The following TENM1 variants were observed in gnomAD, a reference collection of about 807,000 sequenced individuals.
The protein encoded by TENM1 is teneurin transmembrane protein 1, also known as teneurin-1.
Under a neutral mutation model 174.8 loss-of-function variants are expected in TENM1, and 35 were observed. The observed-to-expected ratio is 0.20, with a 90% CI of 0.15 to 0.27. The LOEUF (loss-of-function observed/expected upper bound fraction) is 0.27. Ranked by LOEUF, TENM1 falls within the 10% of genes least tolerant of loss-of-function variation. The probability of loss-of-function intolerance (pLI) is 1.00; values close to 1 mark genes in which losing one functional copy is unlikely to be tolerated. For missense variants in TENM1, 1,633 were observed against 2,130.1 expected (o/e 0.77, Z 4.59); for synonymous variants, 781 against 798.7 (o/e 0.98, Z 0.37).
the TENM1 span, among the ~76,000 whole-genome samples, chrX:125,022,465 CTTAAGG>C: frequency 9.0e-6 from 1 of 111,510 alleles, no homozygotes; most frequent in Non-Finnish European, 1.9e-5. Context: ...TATGATCTAG[CTTAAGG>C]TTAACTCCTC....
In TENM1 at chrX:124,481,713, T is replaced by TATATATATATATATA. The variant is rs67614153; in HGVS notation, c.3949+18_3949+19insTATATATATATATAT. ...CCCAAGGGTATATATATATATATAT[T>TATATATATATATATA]TATTTATTTATTTTTTACCTCGAGG... is the stretch of plus-strand genomic sequence containing the variant. On this transcript the variant is annotated intron_variant, in intron 22 of 31. Coordinates refer to ENST00000422452, the Ensembl canonical transcript of TENM1. 189 of 205,070 alleles carry TATATATATATATATA rather than the reference T, an allele frequency of 9.2e-4. No individual in the cohort carries two copies. The highest frequency in any genetic ancestry group is 1.3e-3 in the Non-Finnish European group (160 of 121,064). 16.9% of individuals were successfully genotyped at this position (205,070 alleles called of 1,213,427 possible).
the TENM1 span, among the ~76,000 whole-genome samples, chrX:124,982,381 C>A: frequency 9.1e-6 from 1 of 110,298 alleles, no homozygotes; most frequent in Non-Finnish European, 1.9e-5. Context: ...GCACTTTTTA[C>A]CCTAGGGGGT....
chrX:125,191,671 T>G, the TENM1 span, among the ~76,000 whole-genome samples: 4 of 111,902 alleles, frequency 3.6e-5, no homozygotes, highest in Non-Finnish European at 7.5e-5. Flanking sequence ...TATGTGTTAG[T>G]TTTTATTATT....
At chrX:125,098,126 T>C in the TENM1 span, among the ~76,000 whole-genome samples, 14 of 110,671 alleles carry the variant, frequency 1.3e-4, no homozygotes, top group African/African-American at 4.3e-4. Flanking sequence ...TAGCCGGGCA[T>C]GGTGGTGGGC....
chrX:125,153,047 A>C, the TENM1 span, among the ~76,000 whole-genome samples: 2 of 111,950 alleles, frequency 1.8e-5, no homozygotes, highest in Non-Finnish European at 3.8e-5. Context: ...TGTTTCCCCC[A>C]AGAAAGAGCT....
At chrX:124,723,026 G>T (rs1000251489) in intron 4 of TENM1, among the ~76,000 whole-genome samples, 3 of 110,151 alleles carry the variant, frequency 2.7e-5, no homozygotes, top group Non-Finnish European at 5.7e-5. Flanking sequence ...GTTTCTTCTT[G>T]TCACTCACAG....
chrX:124,716,720 C>T (rs948282288), intron 4 of TENM1, among the ~76,000 whole-genome samples: 1 of 111,590 alleles, frequency 9.0e-6, no homozygotes, highest in Non-Finnish European at 1.9e-5. Context: ...ACATGCACAT[C>T]AAGAGACAAA....
In TENM1 at chrX:124,547,097, A is replaced by G. The variant is rs1460092868; in HGVS notation, c.2435-7T>C. 8.4e-7 allele frequency: 1 copy of G among 1,186,873 alleles called. No homozygotes were observed. The highest frequency in any genetic ancestry group is 1.1e-6 in the Non-Finnish European group (1 of 873,949). On this transcript the variant is annotated splice_region_variant and splice_polypyrimidine_tract_variant and intron_variant, in intron 14 of 31. Transcript: ENST00000422452. Reference sequence around the variant, plus strand: ...ACACAGTCGGTTAAACCATCTGGAAATAAAACCCAAAACCAATATTGATTA... The same window carrying G: ...ACACAGTCGGTTAAACCATCTGGAAGTAAAACCCAAAACCAATATTGATTA...
upstream of TENM1, among the ~76,000 whole-genome samples, chrX:124,968,006 T>C (rs993047687): frequency 8.9e-6 from 1 of 112,010 alleles, no homozygotes; most frequent in African/African-American, 3.2e-5. Flanking sequence ...ATTAAAAATA[T>C]ACAAAGATAG....
intron 6 of TENM1, among the ~76,000 whole-genome samples, chrX:124,660,864 G>A (rs146172473): frequency 0.015 from 1,629 of 111,715 alleles, 16 homozygotes; most frequent in Non-Finnish European, 0.018. Flanking sequence ...ATATGACCCC[G>A]TCATTCCACA....
intron 22 of TENM1, among the ~76,000 whole-genome samples, chrX:124,476,428 T>C (rs769884145): frequency 1.8e-5 from 2 of 111,956 alleles, no homozygotes; most frequent in South Asian, 7.5e-4. Context: ...AAAAACACTT[T>C]TGGAAGCCGT....
chrX:124,493,499 G>C (rs1324456142), intron 20 of TENM1, among the ~76,000 whole-genome samples: 1 of 111,145 alleles, frequency 9.0e-6, no homozygotes, highest in Non-Finnish European at 1.9e-5. Flanking sequence ...GGCTTTATAG[G>C]GTTAACTATG....
chrX:124,541,610 T>G (rs896062298), intron 15 of TENM1, among the ~76,000 whole-genome samples: 4 of 111,690 alleles, frequency 3.6e-5, no homozygotes, highest in African/African-American at 1.3e-4. Flanking sequence ...AATTACCCAG[T>G]CTCCAGTATT....
intron 21 of TENM1, among the ~76,000 whole-genome samples, chrX:124,485,174 C>A (rs183907273): frequency 9.0e-6 from 1 of 111,492 alleles, no homozygotes; most frequent in East Asian, 2.8e-4. Flanking sequence ...TAATTTGAGA[C>A]TGTTTATAGT....
the TENM1 span, among the ~76,000 whole-genome samples, chrX:125,083,206 C>G: frequency 2.4e-3 from 262 of 111,169 alleles, no homozygotes; most frequent in African/African-American, 7.7e-3. Flanking sequence ...CACTTTTGTT[C>G]TTTCATTAAG....
At chrX:124,619,020 T>C (rs934454453) in intron 11 of TENM1, among the ~76,000 whole-genome samples, 1 of 111,836 alleles carries the variant, frequency 8.9e-6, no homozygotes, top group Admixed American at 9.5e-5. Flanking sequence ...GAGTATCATG[T>C]TGTAGTGGAC....
At chrX:124,467,091 T>G (rs890456406) in intron 22 of TENM1, among the ~76,000 whole-genome samples, 2 of 111,339 alleles carry the variant, frequency 1.8e-5, no homozygotes, top group Non-Finnish European at 3.8e-5. Flanking sequence ...CCACCTTCCT[T>G]TTCCCCCAAA....
At chrX:125,135,584 G>A in the TENM1 span, among the ~76,000 whole-genome samples, 1 of 111,559 alleles carries the variant, frequency 9.0e-6, no homozygotes, top group African/African-American at 3.3e-5. Context: ...GCATTAATGG[G>A]TGTTCTACAA....
At chrX:124,395,634 CTGTTGTTATGTGCTTATG>C (rs909892182) in intron 27 of TENM1, among the ~76,000 whole-genome samples, 1 of 111,511 alleles carries the variant, frequency 9.0e-6, no homozygotes, top group African/African-American at 3.3e-5. Flanking sequence ...ATACAGCCAC[CTGTTGTTATGTGCTTATG>C]TGTTGTTATG....
Sources: allele counts gnomAD v4.1 joint callset (sites outside exome capture counted in the v4.1 genomes callset), GRCh38; gene constraint gnomAD v4.1.1; transcripts MANE v1.5; gene names NCBI Gene and HGNC (gene_info 2026-07-23, HGNC 2026-07-21).